Variants in SMIM41 observed in about 807,000 individuals in gnomAD.
SMIM41 encodes small integral membrane protein 41.
intron 2 of SMIM41, among the ~76,000 whole-genome samples, chr12:52,085,555 G>C (rs147045776): frequency 1.3e-5 from 2 of 152,198 alleles, no homozygotes; most frequent in Non-Finnish European, 2.9e-5. Flanking sequence ...TGTGAGGCAG[G>C]ACATTGGCTT....
At chr12:52,089,669 C>G (rs1329586798) in intron 2 of SMIM41, among the ~76,000 whole-genome samples, 12 of 152,200 alleles carry the variant, frequency 7.9e-5, no homozygotes, top group Non-Finnish European at 1.8e-4. Flanking sequence ...GCCTCCGCCT[C>G]GCTTCCGGTG....
rs974714829 is a variant in SMIM41, at chr12:52,080,617, T to C, written c.*120+436T>C. On this transcript the variant is annotated intron_variant, in intron 1 of 2. Coordinates refer to ENST00000546390, the MANE Select transcript of SMIM41 (RefSeq NM_001369216.1). ...CATCTGCCCCAGCCCCTATAGGTCC[T>C]AGGCCCAACTCTGCGGGCCCCAGCA... Among the ~76,000 whole-genome samples, 3 of 152,196 alleles carry C rather than the reference T, an allele frequency of 2.0e-5. No homozygotes were observed. The East Asian group carries it at 5.8e-4, about 29-fold the overall frequency.
rs2641519 is a variant in SMIM41, at chr12:52,081,776, C to T, written c.*120+1595C>T. Among the ~76,000 whole-genome samples, 17,333 of 152,114 alleles carry T rather than the reference C, an allele frequency of 0.11. 3,248 individuals are homozygous for T. The highest frequency in any genetic ancestry group is 0.39 in the African/African-American group (16,332 of 41,442). Reference sequence around the variant, plus strand: ...AGAGGGTCTCCAGATCACTGGGAACCCCTTTCTTTTACACGCGGGAGAACA... The same window carrying T: ...AGAGGGTCTCCAGATCACTGGGAACTCCTTTCTTTTACACGCGGGAGAACA... On this transcript the variant is annotated intron_variant, in intron 1 of 2. Transcript: ENST00000546390. The surrounding 1 kb of genome is among the most constrained non-coding windows in gnomAD (Gnocchi z 4.1).
chr12:52,105,542 G>C (rs1200471248), intron 2 of SMIM41, among the ~76,000 whole-genome samples: 1 of 152,124 alleles, frequency 6.6e-6, no homozygotes, highest in East Asian at 1.9e-4. Context: ...CACAAGTTCA[G>C]GTGTTCGAGA....
intron 2 of SMIM41, 127 bp from the exon 3 acceptor site, chr12:52,107,252 A>C (rs1592334410): frequency 2.6e-6 from 1 of 383,300 alleles, no homozygotes; most frequent in Non-Finnish European, 5.2e-6. Context: ...TGTATCCAAA[A>C]TGCAGACACA....
intron 2 of SMIM41, among the ~76,000 whole-genome samples, chr12:52,091,102 C>A (rs1267624037): frequency 2.6e-5 from 4 of 152,206 alleles, no homozygotes; most frequent in Admixed American, 2.6e-4. Flanking sequence ...GTCTCAAACT[C>A]CTGGGCTCAA....
At position 52,095,368 on chromosome 12, in the gene SMIM41, G is replaced by A. The variant is rs145494566; in HGVS notation, c.*195+11400G>A. On this transcript the variant is annotated intron_variant, in intron 2 of 2. Transcript: ENST00000546390. ...GAGTAATATCACCCCCCTCTCCCCC[G>A]CTGGATATTATGATCCACGGTGGTC... Among the ~76,000 whole-genome samples, 218 of 151,300 alleles carry A rather than the reference G, an allele frequency of 1.4e-3. 1 individual carries two copies. Among genetic ancestry groups the A allele is most frequent in the African/African-American group, 5.0e-3 (205 of 41,178 alleles).
chr12:52,080,366 C>T lies in SMIM41; in HGVS notation c.*120+185C>T, dbSNP rs79503742. Reference sequence around the variant, plus strand: ...TGGGGCTGCAGCCCACCCAGGTGTGCGGGATCAGGAGGAGGCCGCCCCGCC... The same window carrying T: ...TGGGGCTGCAGCCCACCCAGGTGTGTGGGATCAGGAGGAGGCCGCCCCGCC... On this transcript the variant is annotated intron_variant, in intron 1 of 2. Transcript: ENST00000546390. Among the ~76,000 whole-genome samples the T allele has an allele frequency of 3.9e-3, 601 of 152,260 alleles. 28 individuals are homozygous for T. The East Asian group carries it at 0.096, about 24-fold the overall frequency.
At chr12:52,080,423 T>C (rs1939801190) in intron 1 of SMIM41, among the ~76,000 whole-genome samples, 1 of 152,124 alleles carries the variant, frequency 6.6e-6, no homozygotes, top group Non-Finnish European at 1.5e-5. Flanking sequence ...TCTGGCCCCC[T>C]CCTCCCATCT....
rs1370155681 is a variant in SMIM41, at chr12:52,107,912, C to A, written c.*729C>A. On this transcript the variant is annotated 3_prime_UTR_variant, in exon 3 of 3. Transcript: ENST00000546390. ...CTCCCCCATCTTGCCGTTGTGACAC[C>A]TTCATCAATAACATAATCATGTATT... 3 of 289,670 alleles carry A rather than the reference C, an allele frequency of 1.0e-5. No homozygotes were observed. Among genetic ancestry groups the A allele is most frequent in the Non-Finnish European group, 2.0e-5 (3 of 148,880 alleles). The allele number at this position is 289,670 out of a possible 1,614,324, so 17.9% of individuals were successfully genotyped here.
Position 52,079,835 on chromosome 12 carries a change from G to A in SMIM41, c.56G>A (p.Cys19Tyr). The A allele has an allele frequency of 2.5e-6, 1 of 393,864 alleles. No homozygotes were observed. 24.4% of individuals were successfully genotyped at this position (393,864 alleles called of 1,614,324 possible). ...AAQAAWLSSCCNQSASPPEPP... is the reference protein window; with the variant it reads ...AAQAAWLSSCYNQSASPPEPP... ...CAGGCCGCCTGGCTGAGCTCCTGCT[G>A]TAACCAGTCGGCGTCGCCGCCGGAG... Residue 19 changes from cysteine to tyrosine, a missense_variant, in exon 1 of 3, where the codon TGT becomes TAT. Coordinates refer to ENST00000546390, the MANE Select transcript of SMIM41 (RefSeq NM_001369216.1).
intron 2 of SMIM41, among the ~76,000 whole-genome samples, chr12:52,101,459 A>C (rs1010499611): frequency 2.6e-5 from 4 of 152,160 alleles, no homozygotes; most frequent in African/African-American, 9.7e-5. Flanking sequence ...AGGAAGGTGG[A>C]GAGTATAAAG....
intron 2 of SMIM41, among the ~76,000 whole-genome samples, chr12:52,094,478 C>T (rs1420804770): frequency 1.3e-5 from 2 of 152,184 alleles, no homozygotes; most frequent in African/African-American, 4.8e-5. Flanking sequence ...GCTAGGATTA[C>T]AGGCCTGAGC....
intron 2 of SMIM41, among the ~76,000 whole-genome samples, chr12:52,090,714 C>T (rs1939985261): frequency 6.6e-6 from 1 of 152,192 alleles, no homozygotes; most frequent in Non-Finnish European, 1.5e-5. Context: ...TGATGGAGGC[C>T]TCTTCATGCT....
At chr12:52,103,422 G>T (rs917961779) in intron 2 of SMIM41, among the ~76,000 whole-genome samples, 1 of 149,310 alleles carries the variant, frequency 6.7e-6, no homozygotes, top group Non-Finnish European at 1.5e-5. Context: ...CAACATGGAT[G>T]AACCTTGAAG....
At chr12:52,099,913 T>C (rs1440279753) in intron 2 of SMIM41, among the ~76,000 whole-genome samples, 1 of 151,978 alleles carries the variant, frequency 6.6e-6, no homozygotes, top group Non-Finnish European at 1.5e-5. Context: ...CTGGTGATAT[T>C]GGGAGTAATA....
chr12:52,097,508 C>A (rs1940121991), intron 2 of SMIM41, among the ~76,000 whole-genome samples: 1 of 152,098 alleles, frequency 6.6e-6, no homozygotes, highest in Admixed American at 6.5e-5. Flanking sequence ...CCCGGTCCCT[C>A]CCTGCATGTT....
intron 2 of SMIM41, among the ~76,000 whole-genome samples, chr12:52,097,066 C>T (rs1940110333): frequency 6.6e-6 from 1 of 152,038 alleles, no homozygotes; most frequent in South Asian, 2.1e-4. Flanking sequence ...TCGCAGGGGT[C>T]GTACACCACT....
chr12:52,105,845 C>T (rs776391461), intron 2 of SMIM41, among the ~76,000 whole-genome samples: 3 of 152,118 alleles, frequency 2.0e-5, no homozygotes, highest in Non-Finnish European at 4.4e-5. Flanking sequence ...TAGAGTCTGG[C>T]CATTAATTTT....
Sources: gnomAD v4.1 joint callset for allele counts (sites outside exome capture counted in the v4.1 genomes callset) on GRCh38, gnomAD v4.1.1 for gene constraint, Gnocchi (gnomAD v3.1) non-coding constraint, MANE v1.5 for transcripts, NCBI Gene and HGNC (gene_info 2026-07-23, HGNC 2026-07-21) for gene names.